Variants in RBFOX1 observed in about 807,000 individuals in gnomAD.
RBFOX1 encodes the protein RNA binding fox-1 homolog 1, also known as RNA binding protein fox-1 homolog 1.
A neutral mutation model predicts 57.7 loss-of-function variants in RBFOX1; 8 were observed. The ratio of observed to expected loss-of-function variants is 0.14; its 90% CI spans 0.08 to 0.25. The LOEUF is 0.25. Ranked by LOEUF, RBFOX1 falls within the 10% of genes least tolerant of loss-of-function variation. RBFOX1 has a pLI of 1.00. For missense variants in RBFOX1, 611 were observed against 548.5 expected (o/e 1.11, Z -1.14); for synonymous variants, 326 against 222.4 (o/e 1.47, Z -4.15).
At chr16:6,524,898 A>G (rs2096557901) in intron 2 of RBFOX1, among the ~76,000 whole-genome samples, 1 of 152,162 alleles carries the variant, frequency 6.6e-6, no homozygotes, top group South Asian at 2.1e-4. Context: ...CCCTGGATTT[A>G]GGGCCCATCC....
intron 3 of RBFOX1, among the ~76,000 whole-genome samples, chr16:6,985,718 C>A (rs895159613): frequency 2.0e-5 from 3 of 151,092 alleles, no homozygotes; most frequent in Admixed American, 2.0e-4. Flanking sequence ...CCTATAATCT[C>A]AGCTACTCAA....
At chr16:7,204,673 A>G (rs896834380) in intron 4 of RBFOX1, among the ~76,000 whole-genome samples, 2 of 152,022 alleles carry the variant, frequency 1.3e-5, no homozygotes, top group African/African-American at 4.8e-5. Flanking sequence ...AAAGTTCCTC[A>G]CTGTTCTAAG....
At chr16:7,323,619 C>A (rs560902947) in intron 4 of RBFOX1, among the ~76,000 whole-genome samples, 6 of 152,320 alleles carry the variant, frequency 3.9e-5, no homozygotes, top group Non-Finnish European at 8.8e-5. Flanking sequence ...TTCACTTCCC[C>A]TCTCATGGTC....
At chr16:6,252,967 A>G (rs1049490783) in intron 1 of RBFOX1, among the ~76,000 whole-genome samples, 1 of 152,190 alleles carries the variant, frequency 6.6e-6, no homozygotes, top group Admixed American at 6.6e-5. Flanking sequence ...ACTTAGTGAT[A>G]TAATGCTTTC....
rs540782167 is a variant in RBFOX1 at position 6,001,308 on chromosome 16, G to T, written c.351+133973G>T. ...CTAGATTTTCACTTGTAGGATTTAT[G>T]TAAGAGTTACTGGCATAAAGACACT... On this transcript the variant is annotated intron_variant, in intron 4 of 19. Transcript: ENST00000641259. 1.1e-4 allele frequency among the ~76,000 whole-genome samples: 16 copies of T among 152,264 alleles called. No homozygotes were observed. The East Asian group carries it at 1.2e-3, about 11-fold the overall frequency.
At chr16:7,142,376 T>C (rs372146558) in intron 4 of RBFOX1, among the ~76,000 whole-genome samples, 1 of 152,174 alleles carries the variant, frequency 6.6e-6, no homozygotes. Context: ...GCCCGTGAAA[T>C]GAGGTCCATG....
intron 3 of RBFOX1, among the ~76,000 whole-genome samples, chr16:5,652,649 G>C (rs1213641002): frequency 2.0e-5 from 3 of 152,122 alleles, no homozygotes. Context: ...ACATTCAGAA[G>C]CTTAGCTGGG....
intron 1 of RBFOX1, among the ~76,000 whole-genome samples, chr16:6,196,062 C>T (rs1254647740): frequency 1.3e-5 from 2 of 152,190 alleles, no homozygotes; most frequent in Non-Finnish European, 2.9e-5. Context: ...AATTACCATA[C>T]ACAGTATGCT....
rs71145234 is a variant in RBFOX1 at position 6,486,082 on chromosome 16, C to CTTTT, written c.-63-168499_-63-168496dup. Among the ~76,000 whole-genome samples, 45 of 62,962 alleles carry CTTTT rather than the reference C, an allele frequency of 7.1e-4. 2 individuals carry two copies. The highest frequency in any genetic ancestry group is 1.7e-3 in the African/African-American group (25 of 14,336). The allele number at this position is 62,962 out of a possible 152,430, so 41.3% of individuals were successfully genotyped here. On this transcript the variant is annotated intron_variant, in intron 2 of 15. Coordinates refer to ENST00000550418, the MANE Select transcript of RBFOX1 (RefSeq NM_018723.4). Reference sequence around the variant, plus strand: ...AGTTGAAGGAGATCTCAGTAAAAGGCTTTTTTTTTTTTTTTTTTTTTTTTT... The same window carrying CTTTT: ...AGTTGAAGGAGATCTCAGTAAAAGGCTTTTTTTTTTTTTTTTTTTTTTTTTTTTT...
intron 4 of RBFOX1, among the ~76,000 whole-genome samples, chr16:7,269,507 T>G (rs1022669571): frequency 1.3e-5 from 2 of 152,148 alleles, no homozygotes; most frequent in African/African-American, 4.8e-5. Context: ...CTTACAGTAT[T>G]TGACTGATAG....
chr16:5,709,245 C>CACAG (rs2051363541), intron 3 of RBFOX1, among the ~76,000 whole-genome samples: 3 of 152,088 alleles, frequency 2.0e-5, no homozygotes, highest in Admixed American at 2.0e-4. Context: ...TGGTAGAGAA[C>CACAG]ACAGGATGCC....
intron 3 of RBFOX1, among the ~76,000 whole-genome samples, chr16:6,781,705 G>T (rs2081050779): frequency 6.6e-6 from 1 of 151,820 alleles, no homozygotes; most frequent in Admixed American, 6.6e-5. Flanking sequence ...CCAAATCGTT[G>T]GCCTATAGTT....
chr16:6,122,357 A>AAC (rs61531585), intron 1 of RBFOX1, among the ~76,000 whole-genome samples: 6,306 of 145,396 alleles, frequency 0.043, 197 homozygotes, highest in African/African-American at 0.08. Context: ...CTAAAAGATA[A>AAC]ACACACACAC....
At chr16:7,100,659 G>C (rs1324920721) in intron 4 of RBFOX1, among the ~76,000 whole-genome samples, 3 of 149,302 alleles carry the variant, frequency 2.0e-5, no homozygotes, top group African/African-American at 7.4e-5. Context: ...GACATAGCCT[G>C]TGATAAATAT....
chr16:7,470,546 T>TG (rs1252262637), intron 4 of RBFOX1, among the ~76,000 whole-genome samples: 1 of 151,404 alleles, frequency 6.6e-6, no homozygotes, highest in Non-Finnish European at 1.5e-5. Flanking sequence ...AGTGGGTGGA[T>TG]GGGTGAGTGG....
intron 4 of RBFOX1, among the ~76,000 whole-genome samples, chr16:7,362,007 TTATG>T (rs1200767538): frequency 2.0e-5 from 3 of 151,792 alleles, no homozygotes; most frequent in Non-Finnish European, 2.9e-5. Flanking sequence ...GTGTGTATGA[TTATG>T]TATATATGTT....
At chr16:6,538,504 C>T (rs1239824903) in intron 2 of RBFOX1, among the ~76,000 whole-genome samples, 3 of 151,952 alleles carry the variant, frequency 2.0e-5, no homozygotes, top group Admixed American at 2.0e-4. Flanking sequence ...AACAAAAAAG[C>T]AAAAAATGCA....
chr16:7,506,741 G>A (rs1223518513), intron 4 of RBFOX1, among the ~76,000 whole-genome samples: 1 of 152,148 alleles, frequency 6.6e-6, no homozygotes, highest in Admixed American at 6.5e-5. Context: ...GTTGGAAAGT[G>A]TTTTCCATTT....
At chr16:6,073,393 C>G (rs77779419) in intron 1 of RBFOX1, among the ~76,000 whole-genome samples, 5,767 of 152,234 alleles carry the variant, frequency 0.038, 361 homozygotes, top group African/African-American at 0.13. Flanking sequence ...GTAGGTACTT[C>G]TATCTCTTAA....
Sources: allele counts gnomAD v4.1 joint callset (sites outside exome capture counted in the v4.1 genomes callset), GRCh38; gene constraint gnomAD v4.1.1; transcripts MANE v1.5; gene names NCBI Gene and HGNC (gene_info 2026-07-23, HGNC 2026-07-21).